DSC2: variants seen among roughly 807,000 people sequenced by gnomAD.
The protein encoded by DSC2 is desmocollin-2.
DSC2 carries 51 observed loss-of-function variants against 87.6 expected under a neutral mutation model. That is an observed-to-expected ratio of 0.58 (90% CI 0.46 to 0.74). The LOEUF (loss-of-function observed/expected upper bound fraction) is 0.74, where lower values mean the gene tolerates loss of function less well. Ranked by LOEUF, DSC2 falls within the 30% of genes least tolerant of loss-of-function variation. The pLI is 0.00. For missense variants in DSC2, 1,066 were observed against 1,089.5 expected (o/e 0.98, Z 0.30); for synonymous variants, 383 against 393.2 (o/e 0.97, Z 0.31).
intron 1 of DSC2, among the ~76,000 whole-genome samples, chr18:31,098,902 C>A (rs16961211): frequency 0.018 from 2,756 of 152,248 alleles, 87 homozygotes; most frequent in African/African-American, 0.063. Flanking sequence ...GAATAGACCC[C>A]TGAGCTGTCT....
At chr18:31,068,340 GA>G (rs1567971133) in intron 15 of DSC2, 128 bp from the exon 16 acceptor site, 1 of 1,612,330 alleles carries the variant, frequency 6.2e-7, no homozygotes, top group South Asian at 1.1e-5. Flanking sequence ...TCCTCTAATG[GA>G]TTCCTATACA....
At chr18:31,099,516 C>CA (rs1265557561) in intron 1 of DSC2, among the ~76,000 whole-genome samples, 1 of 140,470 alleles carries the variant, frequency 7.1e-6, no homozygotes, top group Non-Finnish European at 1.6e-5. Context: ...TTTACCAAAC[C>CA]AAAAAAAGAC....
At chr18:31,068,422 C>G in intron 15 of DSC2, 1 of 1,449,016 alleles carries the variant, frequency 6.9e-7, no homozygotes, top group South Asian at 1.1e-5. Context: ...TTCTAAAAGT[C>G]ACGCATGTGG....
chr18:31,098,740 G>A (rs902893687), intron 1 of DSC2, among the ~76,000 whole-genome samples: 5 of 152,182 alleles, frequency 3.3e-5, no homozygotes, highest in Admixed American at 2.6e-4. Flanking sequence ...ACAGGCATGA[G>A]CCACTGCACC....
intron 11 of DSC2, among the ~76,000 whole-genome samples, chr18:31,076,169 C>T (rs1469368862): frequency 6.6e-6 from 1 of 152,138 alleles, no homozygotes; most frequent in Non-Finnish European, 1.5e-5. Flanking sequence ...GGAAGATCTC[C>T]GAGCACATCC....
rs745357999 is a variant in DSC2 at position 31,071,923 on chromosome 18, T to C, written c.1889-82A>G. Reference sequence around the variant, plus strand: ...ACATAAATAACTCATTATCAGATAGTTATATTTTCCTAGAAACAGATATTC... The same window carrying C: ...ACATAAATAACTCATTATCAGATAGCTATATTTTCCTAGAAACAGATATTC... On this transcript the variant is annotated intron_variant, in intron 12 of 15. Coordinates refer to ENST00000280904, the MANE Select transcript of DSC2 (RefSeq NM_024422.6). 1.6e-4 allele frequency: 199 copies of C among 1,267,844 alleles called. 1 individual carries two copies. The highest frequency in any genetic ancestry group is 2.1e-4 in the Non-Finnish European group (187 of 886,710). 78.5% of individuals were successfully genotyped at this position (1,267,844 alleles called of 1,614,324 possible). A position where few individuals can be genotyped will look rare whatever the true frequency, so the allele number is the denominator to read the frequency against.
chr18:31,068,468 T>A, intron 15 of DSC2: 2 of 1,025,466 alleles, frequency 2.0e-6, no homozygotes, highest in African/African-American at 1.6e-5. Context: ...ACATAGTCAC[T>A]ACTTTCCCTT....
chr18:31,092,092 C>T lies in DSC2; in HGVS notation c.354+9G>A, dbSNP rs1397580089. On this transcript the variant is annotated intron_variant, in intron 3 of 15. Coordinates refer to ENST00000280904, the MANE Select transcript of DSC2 (RefSeq NM_024422.6). ...GATATCATTTCTTCATTTATGTAGC[C>T]TTGTATACCTTTGTTTGATGCTCCA... 3.1e-6 allele frequency: 5 copies of T among 1,607,562 alleles called. No individual in the cohort carries two copies. The highest frequency in any genetic ancestry group is 2.2e-5 in the East Asian group (1 of 44,746).
chr18:31,095,214 A>G (rs1225456945), intron 1 of DSC2, among the ~76,000 whole-genome samples: 1 of 152,242 alleles, frequency 6.6e-6, no homozygotes, highest in Non-Finnish European at 1.5e-5. Flanking sequence ...GGCAAGAACC[A>G]GAGTAAAGAC....
intron 1 of DSC2, among the ~76,000 whole-genome samples, chr18:31,098,466 T>C (rs981108177): frequency 8.5e-5 from 13 of 152,150 alleles, no homozygotes; most frequent in African/African-American, 3.1e-4. Flanking sequence ...TAGACACTTT[T>C]TTTTTTCTAA....
intron 1 of DSC2, among the ~76,000 whole-genome samples, chr18:31,094,128 G>C (rs1250787793): frequency 6.6e-6 from 1 of 152,224 alleles, no homozygotes; most frequent in East Asian, 1.9e-4. Context: ...AGGTGGGAGA[G>C]TGCTGAAAAC....
chr18:31,080,040 T>C (rs1233743071), intron 10 of DSC2, 51 bp from the exon 11 acceptor site: 10 of 1,610,246 alleles, frequency 6.2e-6, no homozygotes, highest in African/African-American at 5.3e-5. Context: ...TGCTAAATTA[T>C]AATAACGTAA....
Position 31,074,875 on chromosome 18 carries a change from T to C in DSC2, c.1696A>G (p.Ile566Val). ...GRTCTGTLGI[I>V]LQDVNDNSPF... ...CTGTTATCATTCACGTCTTGAAGTA[T>C]AATGCCCAGTGTCCCCGTACATGTT... The change falls in exon 12 of 16, where the codon ATA becomes GTA. Residue 566 changes from isoleucine to valine, a missense_variant. Transcript: ENST00000280904. 6.2e-7 allele frequency: 1 copy of C among 1,613,956 alleles called. No individual in the cohort carries two copies. Among genetic ancestry groups the C allele is most frequent in the South Asian group, 1.1e-5 (1 of 91,076 alleles).
At chr18:31,080,416 T>A in intron 9 of DSC2, 64 bp from the exon 10 acceptor site, 1 of 1,565,996 alleles carries the variant, frequency 6.4e-7, no homozygotes, top group Admixed American at 1.7e-5. Context: ...TGCTAACGAG[T>A]ATATATAATG....
chr18:31,090,092 T>A (rs1415316407), intron 4 of DSC2, among the ~76,000 whole-genome samples: 4 of 152,078 alleles, frequency 2.6e-5, no homozygotes, highest in Non-Finnish European at 5.9e-5. Context: ...AAAAAAAATA[T>A]GAGTGAGAAT....
chr18:31,079,163 A>G (rs1003583850), intron 11 of DSC2, among the ~76,000 whole-genome samples: 1 of 152,212 alleles, frequency 6.6e-6, no homozygotes, highest in African/African-American at 2.4e-5. Context: ...GCACTATGTA[A>G]GTATGTTCTC....
At chr18:31,079,396 G>C (rs1190062994) in intron 11 of DSC2, among the ~76,000 whole-genome samples, 1 of 152,024 alleles carries the variant, frequency 6.6e-6, no homozygotes, top group Non-Finnish European at 1.5e-5. Flanking sequence ...TCGGATTACA[G>C]GTGCATGCCA....
intron 1 of DSC2, chr18:31,101,305 G>A: frequency 1.1e-6 from 1 of 947,814 alleles, no homozygotes. Flanking sequence ...CCTTCTCTCA[G>A]AGTAAACAAT....
Position 31,062,645 on chromosome 18 carries a change from GAC to G in DSC2, c.*5368_*5369del, listed in dbSNP as rs1986523679. 6.6e-6 allele frequency: 1 copy of G among 152,178 alleles called. No individual in the cohort carries two copies. The highest frequency in any genetic ancestry group is 2.1e-4 in the South Asian group (1 of 4,828). 9.4% of individuals were successfully genotyped at this position (152,178 alleles called of 1,614,324 possible). On this transcript the variant is annotated 3_prime_UTR_variant, in exon 16 of 16. Coordinates refer to ENST00000280904, the MANE Select transcript of DSC2 (RefSeq NM_024422.6). ...ATGTTAGGCATACAGTGGTCAAGAA[GAC>G]AGAGGAGAACCCTTGGGGGTTACAT...
Sources: allele counts gnomAD v4.1 joint callset (sites outside exome capture counted in the v4.1 genomes callset), GRCh38; gene constraint gnomAD v4.1.1; transcripts MANE v1.5; gene names NCBI Gene and HGNC (gene_info 2026-07-23, HGNC 2026-07-21).